RBFOX1: variants seen among roughly 807,000 people sequenced by gnomAD.
RBFOX1 encodes the protein RNA binding fox-1 homolog 1, also known as RNA binding protein fox-1 homolog 1.
A neutral mutation model predicts 57.7 loss-of-function variants in RBFOX1; 8 were observed. The observed-to-expected ratio is 0.14, with a 90% CI of 0.08 to 0.25. The LOEUF is 0.25. Ranked by LOEUF, RBFOX1 falls within the 10% of genes least tolerant of loss-of-function variation. The probability of loss-of-function intolerance (pLI) is 1.00; values close to 1 mark genes in which losing one functional copy is unlikely to be tolerated. For missense variants in RBFOX1, 611 were observed against 548.5 expected, an observed-to-expected ratio of 1.11 and a Z score of -1.14; for synonymous variants, 326 against 222.4, an observed-to-expected ratio of 1.47 and a Z score of -4.15.
At chr16:7,404,203 A>T (rs938565859) in intron 4 of RBFOX1, among the ~76,000 whole-genome samples, 1 of 151,564 alleles carries the variant, frequency 6.6e-6, no homozygotes, top group African/African-American at 2.4e-5. Context: ...CACGTGTGAG[A>T]CCCCATACTT....
chr16:6,776,052 A>G (rs772436035), intron 3 of RBFOX1: 3 of 152,178 alleles, frequency 2.0e-5, no homozygotes, highest in Non-Finnish European at 4.4e-5. Context: ...CTTGGATCAT[A>G]TGTTTTTAAA....
At chr16:6,860,061 A>C (rs11640484) in intron 3 of RBFOX1, among the ~76,000 whole-genome samples, 1 of 152,042 alleles carries the variant, frequency 6.6e-6, no homozygotes, top group Non-Finnish European at 1.5e-5. Context: ...ATACCGAGGT[A>C]AGTGAAGAGA....
At chr16:7,210,072 C>G (rs192283788) in intron 4 of RBFOX1, among the ~76,000 whole-genome samples, 36 of 152,276 alleles carry the variant, frequency 2.4e-4, no homozygotes, top group Admixed American at 1.5e-3. Flanking sequence ...GGAAGAAAAT[C>G]CAATGAAGTG....
chr16:6,542,621 C>G (rs11077044), intron 2 of RBFOX1, among the ~76,000 whole-genome samples: 68,482 of 150,646 alleles, frequency 0.45, 16,004 homozygotes, highest in Non-Finnish European at 0.51. Flanking sequence ...TGGCAAGTAG[C>G]TGGGACCACA....
intron 1 of RBFOX1, among the ~76,000 whole-genome samples, chr16:5,446,332 C>G (rs1803549872): frequency 6.6e-6 from 1 of 152,106 alleles, no homozygotes; most frequent in Admixed American, 6.5e-5. Flanking sequence ...GGTATGCATC[C>G]TCATGGAAGA....
chr16:7,436,621 T>G (rs1347917728), intron 4 of RBFOX1, among the ~76,000 whole-genome samples: 1 of 152,230 alleles, frequency 6.6e-6, no homozygotes, highest in African/African-American at 2.4e-5. Context: ...GGTTAACTCT[T>G]TCTTTGCTAT....
chr16:5,299,829 G>C (rs534156904), intron 1 of RBFOX1, among the ~76,000 whole-genome samples: 85 of 151,992 alleles, frequency 5.6e-4, no homozygotes, highest in Non-Finnish European at 6.9e-4. Flanking sequence ...GTAAAATTGT[G>C]GATACAAGTG....
chr16:5,898,556 A>G (rs1009720781), intron 4 of RBFOX1, among the ~76,000 whole-genome samples: 1 of 151,914 alleles, frequency 6.6e-6, no homozygotes, highest in Admixed American at 6.6e-5. Context: ...TACATGTAAA[A>G]TCATATTTAA....
At chr16:5,681,243 T>C (rs1344267510) in intron 3 of RBFOX1, among the ~76,000 whole-genome samples, 1 of 147,128 alleles carries the variant, frequency 6.8e-6, no homozygotes, top group Non-Finnish European at 1.5e-5. Flanking sequence ...CTGGCTAATT[T>C]TTTTTTTTTT....
intron 2 of RBFOX1, among the ~76,000 whole-genome samples, chr16:6,500,660 A>G (rs551158229): frequency 5.1e-4 from 78 of 152,280 alleles, no homozygotes; most frequent in Admixed American, 9.2e-4. Context: ...CAGAGGCTTA[A>G]GAATGGCAAG....
chr16:6,148,773 C>G (rs1478295090), intron 1 of RBFOX1, among the ~76,000 whole-genome samples: 1 of 152,178 alleles, frequency 6.6e-6, no homozygotes, highest in Non-Finnish European at 1.5e-5. Flanking sequence ...GATTGCCTAT[C>G]AATTAAAACC....
chr16:7,115,791 AG>A (rs1251913577), intron 4 of RBFOX1, among the ~76,000 whole-genome samples: 1 of 152,202 alleles, frequency 6.6e-6, no homozygotes, highest in East Asian at 1.9e-4. Flanking sequence ...CCTGCCCCGA[AG>A]GGGAGGGAGT....
chr16:5,880,133 C>G (rs1029728737), intron 4 of RBFOX1, among the ~76,000 whole-genome samples: 1 of 152,216 alleles, frequency 6.6e-6, no homozygotes, highest in Non-Finnish European at 1.5e-5. Flanking sequence ...TTGCCTGGCA[C>G]TCTTTTATGC....
chr16:5,642,745 C>T (rs2048922881), intron 3 of RBFOX1, among the ~76,000 whole-genome samples: 2 of 152,126 alleles, frequency 1.3e-5, no homozygotes, highest in East Asian at 1.9e-4. Flanking sequence ...AGGGGCCTCT[C>T]TTCCTTGCCA....
chr16:6,274,180 C>G (rs1351580746), intron 1 of RBFOX1, among the ~76,000 whole-genome samples: 1 of 152,128 alleles, frequency 6.6e-6, no homozygotes, highest in Non-Finnish European at 1.5e-5. Flanking sequence ...TATCAGATAA[C>G]CTAGTAATTG....
intron 3 of RBFOX1, among the ~76,000 whole-genome samples, chr16:5,754,626 G>A (rs1183580324): frequency 3.2e-5 from 4 of 123,822 alleles, no homozygotes; most frequent in Non-Finnish European, 6.7e-5. Context: ...ATTGTGGGGA[G>A]AGGGTCAGCA....
At chr16:7,704,510 G>A (rs1342069940) in intron 14 of RBFOX1, among the ~76,000 whole-genome samples, 2 of 152,126 alleles carry the variant, frequency 1.3e-5, no homozygotes, top group Non-Finnish European at 1.5e-5. Context: ...CATAATTACA[G>A]GCATGAGTGT....
intron 3 of RBFOX1, among the ~76,000 whole-genome samples, chr16:6,880,157 A>C (rs2062637236): frequency 6.6e-6 from 1 of 152,128 alleles, no homozygotes; most frequent in Admixed American, 6.5e-5. Flanking sequence ...CAGTTCTCTA[A>C]TCATGGGATA....
chr16:6,802,536 G>A (rs112674280), intron 3 of RBFOX1, among the ~76,000 whole-genome samples: 6,871 of 152,202 alleles, frequency 0.045, 400 homozygotes, highest in African/African-American at 0.13. Flanking sequence ...AGTTACTCGG[G>A]CATGGTGGTG....
Sources: gnomAD v4.1 joint callset for allele counts (sites outside exome capture counted in the v4.1 genomes callset) on GRCh38, gnomAD v4.1.1 for gene constraint, MANE v1.5 for transcripts, NCBI Gene and HGNC (gene_info 2026-07-23, HGNC 2026-07-21) for gene names.